The following VDR variants were observed in gnomAD, a reference collection of about 807,000 sequenced individuals.
The protein encoded by VDR is vitamin D3 receptor.
Under a neutral mutation model 39.7 loss-of-function variants are expected in VDR, and 19 were observed. That is an observed-to-expected ratio of 0.48 (90% CI 0.33 to 0.70). The LOEUF (loss-of-function observed/expected upper bound fraction) is 0.70, where lower values mean the gene tolerates loss of function less well. Ranked by LOEUF, VDR falls within the 30% of genes least tolerant of loss-of-function variation. VDR has a pLI of 0.02. For synonymous variants in VDR, 242 were observed against 215.8 expected (o/e 1.12, Z -1.07); for missense variants, 442 against 570.5 (o/e 0.77, Z 2.29).
chr12:47,893,232 T>G (rs1478137941), intron 1 of VDR, among the ~76,000 whole-genome samples: 1 of 152,190 alleles, frequency 6.6e-6, no homozygotes, highest in African/African-American at 2.4e-5. Flanking sequence ...CCAACCTGAA[T>G]CCACCTTGAG....
chr12:47,859,913 C>T (rs1945583488), intron 4 of VDR, among the ~76,000 whole-genome samples: 288 of 43,950 alleles, frequency 6.6e-3, no homozygotes, highest in African/African-American at 0.021. Flanking sequence ...TTCCTTCCTT[C>T]CTTCTTTCTT....
At chr12:47,861,587 T>C (rs376121666) in intron 4 of VDR, among the ~76,000 whole-genome samples, 3 of 152,254 alleles carry the variant, frequency 2.0e-5, no homozygotes, top group Non-Finnish European at 2.9e-5. Flanking sequence ...TACTATCATA[T>C]AGGAAGACAC....
chr12:47,886,763 C>A (rs1946263763), intron 1 of VDR, among the ~76,000 whole-genome samples: 2 of 152,182 alleles, frequency 1.3e-5, no homozygotes, highest in Non-Finnish European at 2.9e-5. Context: ...ATATTCTAGC[C>A]AAACAGTTTT....
chr12:47,867,437 G>A (rs1945760536), intron 3 of VDR, among the ~76,000 whole-genome samples: 1 of 152,152 alleles, frequency 6.6e-6, no homozygotes, highest in South Asian at 2.1e-4. Flanking sequence ...GTGTGCACAA[G>A]TGTGCACATT....
chr12:47,872,233 T>C (rs1186152845), intron 3 of VDR, among the ~76,000 whole-genome samples: 1 of 152,218 alleles, frequency 6.6e-6, no homozygotes, highest in African/African-American at 2.4e-5. Flanking sequence ...TCCCATCCAT[T>C]AGTTTCCACA....
intron 1 of VDR, among the ~76,000 whole-genome samples, chr12:47,900,459 G>A (rs1214341659): frequency 2.6e-5 from 4 of 152,176 alleles, no homozygotes; most frequent in Non-Finnish European, 5.9e-5. Context: ...AACCTGAGAG[G>A]GAGTCGTGGG....
At chr12:47,853,865 T>G (rs988535383) in intron 7 of VDR, among the ~76,000 whole-genome samples, 2 of 151,926 alleles carry the variant, frequency 1.3e-5, no homozygotes, top group Admixed American at 6.6e-5. Context: ...GAGGTTGCAG[T>G]GAGCTGAGAT....
chr12:47,868,039 C>G (rs1372911757), intron 3 of VDR, among the ~76,000 whole-genome samples: 1 of 152,214 alleles, frequency 6.6e-6, no homozygotes, highest in Admixed American at 6.5e-5. Flanking sequence ...AACTCCCTCC[C>G]TTTATACGTG....
At chr12:47,890,644 T>G (rs1946353313) in intron 1 of VDR, among the ~76,000 whole-genome samples, 1 of 152,100 alleles carries the variant, frequency 6.6e-6, no homozygotes, top group Non-Finnish European at 1.5e-5. Flanking sequence ...AAGTCCTTAC[T>G]AAACAAAACA....
At chr12:47,847,982 C>A (rs555203825) in intron 7 of VDR, among the ~76,000 whole-genome samples, 2 of 152,208 alleles carry the variant, frequency 1.3e-5, no homozygotes, top group South Asian at 4.1e-4. Flanking sequence ...TCACTGCAAG[C>A]TTCGCCTCCC....
chr12:47,842,247 G>A lies in VDR; in HGVS notation c.*2499C>T, dbSNP rs1945185042. Reference sequence around the variant, plus strand: ...TGGGGTAGGGTCTGATTCACATTGAGGCAGAGGTGAGTCTCCTTCCTTCTC... The same window carrying A: ...TGGGGTAGGGTCTGATTCACATTGAAGCAGAGGTGAGTCTCCTTCCTTCTC... On this transcript the variant is annotated 3_prime_UTR_variant, in exon 10 of 10. Coordinates refer to ENST00000549336, the MANE Select transcript of VDR (RefSeq NM_000376.3). 1 of 152,452 alleles carries A rather than the reference G, an allele frequency of 6.6e-6. No homozygotes were observed. The highest frequency in any genetic ancestry group is 2.1e-4 in the South Asian group (1 of 4,830). 9.4% of individuals were successfully genotyped at this position (152,452 alleles called of 1,614,324 possible).
At chr12:47,849,209 G>C (rs1818675765) in intron 7 of VDR, among the ~76,000 whole-genome samples, 1 of 152,176 alleles carries the variant, frequency 6.6e-6, no homozygotes, top group Non-Finnish European at 1.5e-5. Context: ...GATATTAACT[G>C]ATGAGAGTGT....
chr12:47,901,809 A>C (rs1946565501), intron 1 of VDR, among the ~76,000 whole-genome samples: 1 of 152,230 alleles, frequency 6.6e-6, no homozygotes, highest in Non-Finnish European at 1.5e-5. Flanking sequence ...AGGAGTTGGC[A>C]GACCTTCCTG....
intron 4 of VDR, among the ~76,000 whole-genome samples, chr12:47,864,233 T>C (rs551352167): frequency 6.6e-6 from 1 of 152,320 alleles, no homozygotes; most frequent in East Asian, 1.9e-4. Flanking sequence ...GGCTGGCCCC[T>C]CCCAGCATCT....
intron 1 of VDR, among the ~76,000 whole-genome samples, chr12:47,902,934 G>A (rs1946594441): frequency 6.6e-6 from 1 of 152,178 alleles, no homozygotes; most frequent in African/African-American, 2.4e-5. Flanking sequence ...AGGGGTTCAG[G>A]AGGTCCTCTC....
chr12:47,897,750 C>T (rs1160034960), intron 1 of VDR, among the ~76,000 whole-genome samples: 2 of 152,180 alleles, frequency 1.3e-5, no homozygotes, highest in South Asian at 4.1e-4. Flanking sequence ...CTCCAGCTAC[C>T]CCTTGCTTCT....
chr12:47,870,432 T>A (rs1196718921), intron 3 of VDR, among the ~76,000 whole-genome samples: 1 of 151,964 alleles, frequency 6.6e-6, no homozygotes, highest in East Asian at 1.9e-4. Context: ...GCCTGGACCC[T>A]GTCATCCTCT....
Position 47,878,965 on chromosome 12 carries a change from C to A in VDR, c.146+3G>T. ...CTGGGGAGAGCCTGGGAGGAGGGCT[C>A]ACCTGAAGAAGCCTTTGCAGCCTTC... On this transcript the variant is annotated splice_donor_region_variant and intron_variant, in intron 3 of 9. Transcript: ENST00000549336. The A allele has an allele frequency of 1.2e-6, 2 of 1,614,208 alleles. No individual in the cohort carries two copies. The highest frequency in any genetic ancestry group is 1.3e-5 in the African/African-American group (1 of 75,048).
At chr12:47,871,292 C>CTTT (rs754929705) in intron 3 of VDR, among the ~76,000 whole-genome samples, 1 of 79,880 alleles carries the variant, frequency 1.3e-5, no homozygotes, top group Non-Finnish European at 2.5e-5. Context: ...CTTTCTCTTT[C>CTTT]TCTTTCTTTC....
Sources: allele counts gnomAD v4.1 joint callset (sites outside exome capture counted in the v4.1 genomes callset), GRCh38; gene constraint gnomAD v4.1.1; transcripts MANE v1.5; gene names NCBI Gene and HGNC (gene_info 2026-07-23, HGNC 2026-07-21).